The following FRMPD2 variants were observed in gnomAD, a reference collection of about 807,000 sequenced individuals.
The protein encoded by FRMPD2 is FERM and PDZ domain-containing protein 2.
Under a neutral mutation model 140.1 loss-of-function variants are expected in FRMPD2, and 96 were observed. The ratio of observed to expected loss-of-function variants is 0.69; its 90% CI spans 0.58 to 0.81. FRMPD2 has a LOEUF of 0.81. Among genes scored for constraint, FRMPD2 ranks in the 40% least tolerant of loss-of-function variants. The probability of loss-of-function intolerance (pLI) is 0.00; values close to 1 mark genes in which losing one functional copy is unlikely to be tolerated. For missense variants in FRMPD2, 1,240 were observed against 1,447.4 expected (o/e 0.86, Z 2.32); for synonymous variants, 449 against 547.6 (o/e 0.82, Z 2.52).
intron 1 of FRMPD2, among the ~76,000 whole-genome samples, chr10:48,255,416 C>A (rs1840469666): frequency 6.6e-6 from 1 of 152,214 alleles, no homozygotes; most frequent in African/African-American, 2.4e-5. Context: ...CCTCCCTCTC[C>A]CATGTGCCAT....
intron 6 of FRMPD2, among the ~76,000 whole-genome samples, chr10:48,240,154 A>T (rs1840070161): frequency 6.6e-6 from 1 of 152,236 alleles, no homozygotes; most frequent in South Asian, 2.1e-4. Flanking sequence ...GATATAAATA[A>T]CTGTGTTGTG....
At chr10:48,212,144 C>T (rs374499050) in intron 12 of FRMPD2, 35 bp from the exon 13 acceptor site, 159 of 1,605,554 alleles carry the variant, frequency 9.9e-5, no homozygotes, top group Non-Finnish European at 1.3e-4. Flanking sequence ...GGGCACAATC[C>T]AGACACTGGC....
chr10:48,236,374 C>T, intron 9 of FRMPD2, 108 bp downstream of exon 9: 2 of 876,848 alleles, frequency 2.3e-6, no homozygotes, highest in Middle Eastern at 3.3e-4. Context: ...AAACTGAATG[C>T]CACTGGGGTG....
intron 4 of FRMPD2, among the ~76,000 whole-genome samples, chr10:48,243,637 A>C (rs1330838432): frequency 6.6e-6 from 1 of 152,194 alleles, no homozygotes; most frequent in East Asian, 1.9e-4. Flanking sequence ...ACCCTATCCT[A>C]GGCTCCAGGT....
chr10:48,252,235 T>C (rs1219923892), intron 1 of FRMPD2, among the ~76,000 whole-genome samples: 1 of 152,084 alleles, frequency 6.6e-6, no homozygotes, highest in African/African-American at 2.4e-5. Flanking sequence ...ATAAGCCCCA[T>C]GTTTCAGAAA....
In FRMPD2 at chr10:48,238,025, G is replaced by T; in HGVS notation, c.887C>A (p.Pro296His). ...SAADSSWPTTPSQRGFLQRRS... is the reference protein window; with the variant it reads ...SAADSSWPTTHSQRGFLQRRS... Reference sequence around the variant, plus strand: ...TCTTTGCAGAAAACCCCTCTGAGAAGGAGTTGTTGGCCATGAGCTGTCTGC... The same window carrying T: ...TCTTTGCAGAAAACCCCTCTGAGAATGAGTTGTTGGCCATGAGCTGTCTGC... Residue 296 changes from proline (P) to histidine (H), a missense_variant, in exon 8 of 29, where the codon CCT becomes CAT. Coordinates refer to ENST00000374201, the MANE Select transcript of FRMPD2 (RefSeq NM_001018071.4). 1 of 1,614,176 alleles carries T rather than the reference G, an allele frequency of 6.2e-7. No individual in the cohort carries two copies. Among genetic ancestry groups the T allele is most frequent in the Admixed American group, 1.7e-5 (1 of 60,030 alleles).
chr10:48,192,858 G>A lies in FRMPD2; in HGVS notation c.1991C>T (p.Pro664Leu), dbSNP rs750196972. The change falls in exon 16 of 29, where the codon CCT (proline) becomes CTT (leucine). Residue 664 changes from proline (P) to leucine (L), a missense_variant. This residue lies in a region of FRMPD2 where 1,161 missense variants were observed against 1,055.9 expected (regional missense o/e 1.10). Coordinates refer to ENST00000374201, the MANE Select transcript of FRMPD2 (RefSeq NM_001018071.4). ...DKFVQMANLS[P>L]AHQARSKPLI... ...AGGCTTAGACCGGGCCTGGTGTGCA[G>A]GACTCAAATTGGCCATTTGCACAAA... The A allele has an allele frequency of 5.6e-6, 9 of 1,614,060 alleles. No individual in the cohort carries two copies. Among genetic ancestry groups the A allele is most frequent in the Non-Finnish European group, 6.8e-6 (8 of 1,180,022 alleles).
intron 3 of FRMPD2, among the ~76,000 whole-genome samples, chr10:48,247,412 T>C (rs1840275213): frequency 6.6e-6 from 1 of 152,196 alleles, no homozygotes; most frequent in Non-Finnish European, 1.5e-5. Flanking sequence ...CCCAGGGCAA[T>C]GACAGTGTAG....
intron 10 of FRMPD2, among the ~76,000 whole-genome samples, chr10:48,223,868 T>C (rs549864597): frequency 1.5e-4 from 23 of 152,346 alleles, no homozygotes; most frequent in Non-Finnish European, 2.1e-4. Flanking sequence ...CTCAGCCATG[T>C]GAGGACACTG....
In FRMPD2 at chr10:48,247,574, C is replaced by T. The variant is rs1035529693; in HGVS notation, c.309+1447G>A. 1.3e-5 allele frequency among the ~76,000 whole-genome samples: 2 copies of T among 152,334 alleles called. 1 individual carries two copies. The highest frequency in any genetic ancestry group is 4.1e-4 in the South Asian group (2 of 4,830). On this transcript the variant is annotated intron_variant, in intron 3 of 28. Coordinates refer to ENST00000374201, the MANE Select transcript of FRMPD2 (RefSeq NM_001018071.4). ...CTCTAGAAAGCTTGCAAGGCTTGCACAGCACAAAGCCATCCACAAGAGAAA... is the reference window on the plus strand; with the variant it reads ...CTCTAGAAAGCTTGCAAGGCTTGCATAGCACAAAGCCATCCACAAGAGAAA...
At chr10:48,240,535 A>G (rs371990433) in intron 5 of FRMPD2, 43 bp from the exon 6 acceptor site, 71 of 1,609,602 alleles carry the variant, frequency 4.4e-5, no homozygotes, top group Non-Finnish European at 5.9e-5. Flanking sequence ...CAAGATAAGG[A>G]GGGGGCGTTT....
chr10:48,227,670 G>C (rs1839755011), intron 10 of FRMPD2, among the ~76,000 whole-genome samples: 1 of 152,108 alleles, frequency 6.6e-6, no homozygotes, highest in Non-Finnish European at 1.5e-5. Context: ...TTGGATATTT[G>C]GACTTTTGTA....
intron 1 of FRMPD2, among the ~76,000 whole-genome samples, chr10:48,253,944 C>A (rs989077987): frequency 6.6e-6 from 1 of 152,018 alleles, no homozygotes; most frequent in Non-Finnish European, 1.5e-5. Context: ...AGCTAAGAGT[C>A]ACTAGAGGCT....
In FRMPD2 at chr10:48,256,281, T is replaced by C. The variant is rs1455408205; in HGVS notation, c.26-4590A>G. On this transcript the variant is annotated intron_variant, in intron 1 of 28. Transcript: ENST00000374201. ...GACAGCTGCCCAGTCAATCCCCGAG[T>C]GTCAGCTGCAGGGATCAGCCACCTC... Among the ~76,000 whole-genome samples the C allele has an allele frequency of 2.6e-5, 4 of 151,538 alleles. No individual in the cohort carries two copies. In the East Asian group the frequency reaches 5.9e-4, roughly 22 times the overall value.
At chr10:48,195,240 G>A (rs1243477996) in intron 15 of FRMPD2, among the ~76,000 whole-genome samples, 1 of 152,222 alleles carries the variant, frequency 6.6e-6, no homozygotes, top group Non-Finnish European at 1.5e-5. Flanking sequence ...GCTGAGCAAA[G>A]GCCCATGGGC....
At position 48,226,954 on chromosome 10, in the gene FRMPD2, T is replaced by G. The variant is rs1466569593; in HGVS notation, c.1169-3684A>C. 2.0e-5 allele frequency among the ~76,000 whole-genome samples: 3 copies of G among 152,290 alleles called. No individual in the cohort carries two copies. The East Asian group carries it at 5.8e-4, about 29-fold the overall frequency. On this transcript the variant is annotated intron_variant, in intron 10 of 28. Transcript: ENST00000374201. ...TCCTTACAGTTTCTGGCAATGAGGA[T>G]GGGACCCTAAGAGGCTGGACACCCC...
At chr10:48,234,196 G>T (rs867340947) in intron 9 of FRMPD2, among the ~76,000 whole-genome samples, 11 of 152,200 alleles carry the variant, frequency 7.2e-5, no homozygotes, top group African/African-American at 2.4e-4. Flanking sequence ...CAGGGTCCCA[G>T]GTACCTGCAA....
chr10:48,211,274 C>A (rs1048631171), intron 13 of FRMPD2, among the ~76,000 whole-genome samples: 2 of 152,220 alleles, frequency 1.3e-5, no homozygotes, highest in African/African-American at 4.8e-5. Context: ...ACTGTTTTTG[C>A]CCCGCTGGTG....
In FRMPD2 at chr10:48,236,055, GTTTTTGT is replaced by G. The variant is rs577865681; in HGVS notation, c.993+420_993+426del. Among the ~76,000 whole-genome samples, 34 of 141,520 alleles carry G rather than the reference GTTTTTGT, an allele frequency of 2.4e-4. No homozygotes were observed. The East Asian group carries it at 4.7e-3, about 20-fold the overall frequency. The allele number at this position is 141,520 out of a possible 152,430, so 92.8% of individuals were successfully genotyped here. ...CTCCTCCCTTCTTCGTTGTTTTTTT[GTTTTTGT>G]TTTTTGTTTTTTTTTTTTGCACAAA... On this transcript the variant is annotated intron_variant, in intron 9 of 28. Coordinates refer to ENST00000374201, the MANE Select transcript of FRMPD2 (RefSeq NM_001018071.4).
Sources: gnomAD v4.1 joint callset for allele counts (sites outside exome capture counted in the v4.1 genomes callset) on GRCh38, gnomAD v4.1.1 for gene constraint, gnomAD v4.1.1 regional missense constraint, MANE v1.5 for transcripts, NCBI Gene and HGNC (gene_info 2026-07-23, HGNC 2026-07-21) for gene names.